The following DGKD variants were observed in gnomAD, a reference collection of about 807,000 sequenced individuals.
The protein encoded by DGKD is DAG kinase delta.
A neutral mutation model predicts 154.4 loss-of-function variants in DGKD; 68 were observed. The observed-to-expected ratio is 0.44, with a 90% CI of 0.36 to 0.54. DGKD has a LOEUF of 0.54. Ranked by LOEUF, DGKD falls within the 20% of genes least tolerant of loss-of-function variation. The pLI is 0.00. For synonymous variants in DGKD, 693 were observed against 638.0 expected (o/e 1.09, Z -1.30); for missense variants, 1,343 against 1,593.6 (o/e 0.84, Z 2.68).
chr2:233,411,065 G>A (rs973860042), intron 3 of DGKD, among the ~76,000 whole-genome samples: 11 of 152,000 alleles, frequency 7.2e-5, no homozygotes, highest in African/African-American at 1.2e-4. Flanking sequence ...GTAGTCCATT[G>A]TATGCATATT....
chr2:233,357,537 C>CTTTTTTT (rs374813757), intron 1 of DGKD, among the ~76,000 whole-genome samples: 2 of 129,226 alleles, frequency 1.5e-5, no homozygotes, highest in African/African-American at 3.0e-5. Context: ...TTCTTTCTTT[C>CTTTTTTT]TTTTTTTTTT....
rs1232009991 is a variant in DGKD at position 233,448,262 on chromosome 2, T to G, written c.1515-14T>G. 1 of 1,613,748 alleles carries G rather than the reference T, an allele frequency of 6.2e-7. No individual in the cohort carries two copies. Among genetic ancestry groups the G allele is most frequent in the Non-Finnish European group, 8.5e-7 (1 of 1,179,948 alleles). On this transcript the variant is annotated splice_polypyrimidine_tract_variant and intron_variant, in intron 13 of 29. Transcript: ENST00000264057. ...TGCCTCTCTAGAAGGGTCTTTCTGT[T>G]TTTCTCCCCACAGAGTGCTCTGTGA...
In DGKD at chr2:233,452,683, G is replaced by T. The variant is rs76701368; in HGVS notation, c.2264+623G>T. ...TCTTCCTCTGCTGGCCTGTAAGGCA[G>T]TGAGGACATGTATATAGCAGTTTAA... is the stretch of plus-strand genomic sequence containing the variant. On this transcript the variant is annotated intron_variant, in intron 18 of 29. Coordinates refer to ENST00000264057, the MANE Select transcript of DGKD (RefSeq NM_152879.3). The surrounding 1 kb of genome is among the most constrained non-coding windows in gnomAD (Gnocchi z 4.0). 7.2e-3 allele frequency among the ~76,000 whole-genome samples: 1,096 copies of T among 152,330 alleles called. 12 individuals are homozygous for T. The highest frequency in any genetic ancestry group is 0.025 in the African/African-American group (1,023 of 41,574).
chr2:233,425,786 C>T (rs1331847697), intron 3 of DGKD, among the ~76,000 whole-genome samples: 1 of 152,184 alleles, frequency 6.6e-6, no homozygotes, highest in African/African-American at 2.4e-5. Flanking sequence ...CCAGTCTCTA[C>T]CAGCCTTATA....
chr2:233,370,692 A>C (rs1290858559), intron 1 of DGKD, among the ~76,000 whole-genome samples: 1 of 151,836 alleles, frequency 6.6e-6, no homozygotes, highest in Non-Finnish European at 1.5e-5. Flanking sequence ...ACTATTGTGA[A>C]TAGAACTGCT....
At chr2:233,369,150 T>G (rs1241046069) in intron 1 of DGKD, among the ~76,000 whole-genome samples, 1 of 152,200 alleles carries the variant, frequency 6.6e-6, no homozygotes, top group Non-Finnish European at 1.5e-5. Flanking sequence ...TTTTATTTTT[T>G]GGGGGGAGGT....
At chr2:233,451,337 T>C (rs2063286331) in intron 17 of DGKD, among the ~76,000 whole-genome samples, 1 of 151,704 alleles carries the variant, frequency 6.6e-6, no homozygotes, top group South Asian at 2.1e-4. Context: ...TAAGGAATTA[T>C]CTGAGTGGAA....
At chr2:233,397,542 G>C (rs1406292445) in intron 3 of DGKD, among the ~76,000 whole-genome samples, 4 of 126,762 alleles carry the variant, frequency 3.2e-5, no homozygotes, top group South Asian at 5.8e-4. Context: ...GGCTGGGGGG[G>C]GGGGGCAGAG....
intron 3 of DGKD, among the ~76,000 whole-genome samples, chr2:233,402,630 A>G (rs760630129): frequency 9.9e-5 from 15 of 152,028 alleles, no homozygotes; most frequent in Non-Finnish European, 1.5e-4. Flanking sequence ...CCCCTTTTAC[A>G]ATTTCCCAGC....
intron 1 of DGKD, among the ~76,000 whole-genome samples, chr2:233,363,015 T>A (rs182285455): frequency 6.6e-6 from 1 of 152,376 alleles, no homozygotes; most frequent in African/African-American, 2.4e-5. Flanking sequence ...TAGTTGATGA[T>A]GATAATAAAC....
At chr2:233,410,402 C>A (rs935947670) in intron 3 of DGKD, among the ~76,000 whole-genome samples, 4 of 152,172 alleles carry the variant, frequency 2.6e-5, no homozygotes, top group Non-Finnish European at 4.4e-5. Flanking sequence ...GCCAGCTCTG[C>A]GCTGCCTTCT....
intron 10 of DGKD, chr2:233,442,450 T>G (rs569193488): frequency 1.3e-5 from 4 of 297,900 alleles, no homozygotes; most frequent in Non-Finnish European, 2.7e-5. Context: ...AATGTTCATA[T>G]AGTCATTTAA....
Position 233,459,757 on chromosome 2 carries a change from T to C in DGKD, c.2695T>C (p.Cys899Arg), listed in dbSNP as rs1190345533. The C allele has an allele frequency of 6.2e-7, 1 of 1,613,566 alleles. No individual in the cohort carries two copies. The highest frequency in any genetic ancestry group is 8.5e-7 in the Non-Finnish European group (1 of 1,179,822). The change falls in exon 23 of 30, where the codon TGT (cysteine) becomes CGT (arginine). Residue 899 changes from cysteine to arginine, a missense_variant and splice_region_variant. Transcript: ENST00000264057. The surrounding 1 kb of genome is among the most constrained non-coding windows in gnomAD (Gnocchi z 5.7). ...AGTAATGGCTATGATGTCTGCTCAGTGTCGCACGGTGAAGATCTCCATCCT... is the reference window on the plus strand; with the variant it reads ...AGTAATGGCTATGATGTCTGCTCAGCGTCGCACGGTGAAGATCTCCATCCT... ...IRLQHHRIAQCRTVKISILGD... is the reference protein window; with the variant it reads ...IRLQHHRIAQRRTVKISILGD...
At chr2:233,388,641 C>A in intron 2 of DGKD, 1 of 275,130 alleles carries the variant, frequency 3.6e-6, no homozygotes, top group Non-Finnish European at 6.7e-6. Flanking sequence ...CGCGTTACAG[C>A]TGGATATCTC....
chr2:233,394,249 T>C (rs570772978), intron 3 of DGKD, among the ~76,000 whole-genome samples: 2 of 152,328 alleles, frequency 1.3e-5, no homozygotes, highest in South Asian at 4.1e-4. Flanking sequence ...TAGCTTTTTT[T>C]TTCTTCTTTC....
At chr2:233,463,493 C>T (rs1257454007) in intron 26 of DGKD, among the ~76,000 whole-genome samples, 1 of 109,976 alleles carries the variant, frequency 9.1e-6, no homozygotes, top group African/African-American at 5.2e-5. Context: ...CCTCACTGCA[C>T]GCATGTCCTC....
At chr2:233,424,867 CAT>C (rs2062239241) in intron 3 of DGKD, among the ~76,000 whole-genome samples, 1 of 152,344 alleles carries the variant, frequency 6.6e-6, no homozygotes, top group African/African-American at 2.4e-5. Context: ...TATCAGCTGC[CAT>C]GTGTGTGTAA....
rs527762749 is a variant in DGKD, at chr2:233,403,380, T to C, written c.348+12897T>C. ...TTCAAGACCAGCCTAGCCAACATGG[T>C]GAAACCCTGTCTCTACTAAAAATAC... On this transcript the variant is annotated intron_variant, in intron 3 of 29. Coordinates refer to ENST00000264057, the MANE Select transcript of DGKD (RefSeq NM_152879.3). Among the ~76,000 whole-genome samples the C allele has an allele frequency of 4.6e-5, 7 of 151,942 alleles. No individual in the cohort carries two copies. The South Asian group carries it at 1.5e-3, about 32-fold the overall frequency.
chr2:233,404,263 A>G lies in DGKD; in HGVS notation c.348+13780A>G, dbSNP rs115474584. 3.4e-3 allele frequency among the ~76,000 whole-genome samples: 509 copies of G among 151,148 alleles called. 4 individuals carry two copies. Among genetic ancestry groups the G allele is most frequent in the African/African-American group, 0.012 (480 of 41,194 alleles). ...TAGATGTGTCATCACTGATCAGTTA[A>G]ACTTTATTTGCTCACTCTTGCAGCA... On this transcript the variant is annotated intron_variant, in intron 3 of 29. Transcript: ENST00000264057.
Sources: gnomAD v4.1 joint callset for allele counts (sites outside exome capture counted in the v4.1 genomes callset) on GRCh38, gnomAD v4.1.1 for gene constraint, Gnocchi (gnomAD v3.1) non-coding constraint, MANE v1.5 for transcripts, NCBI Gene and HGNC (gene_info 2026-07-23, HGNC 2026-07-21) for gene names.